ZNF672: variants seen among roughly 807,000 people sequenced by gnomAD.
ZNF672 encodes the protein zinc finger protein 672.
For missense variants in ZNF672, 733 were observed against 701.1 expected (o/e 1.05, Z -0.51); for synonymous variants, 358 against 305.6 (o/e 1.17, Z -1.79).
chr1:248,849,165 G>T lies in ZNF672; in HGVS notation c.*532G>T, dbSNP rs894189884. On this transcript the variant is annotated 3_prime_UTR_variant, in exon 4 of 4. Transcript: ENST00000306562. The stretch of plus-strand genomic sequence containing the variant: ...TTCTGAGAAATGTGGGTATGGAGGT[G>T]GGTGGGAAAGCTCACTTCCATGAAG... 3 of 450,802 alleles carry T rather than the reference G, an allele frequency of 6.7e-6. No homozygotes were observed. Among genetic ancestry groups the T allele is most frequent in the African/African-American group, 6.1e-5 (3 of 49,374 alleles). 27.9% of individuals were successfully genotyped at this position (450,802 alleles called of 1,614,324 possible).
Position 248,847,319 on chromosome 1 carries a change from G to C in ZNF672, c.45G>C (p.Ser15=). The C allele has an allele frequency of 6.2e-7, 1 of 1,609,500 alleles. No homozygotes were observed. The highest frequency in any genetic ancestry group is 8.5e-7 in the Non-Finnish European group (1 of 1,176,042). ...CAGTGGCAGCGGGGAAGCCTTACTC[G>C]TGCAGCGAATGTGGCAAGAGCTTCT... ...SGAVAAGKPY[S]CSECGKSFCY... Residue 15 remains serine, a synonymous_variant, in exon 4 of 4, where the codon TCG becomes TCC. Transcript: ENST00000306562.
chr1:248,844,693 C>T (rs997169468), intron 2 of ZNF672, 57 bp downstream of exon 2: 4 of 152,296 alleles, frequency 2.6e-5, no homozygotes, highest in African/African-American at 9.6e-5. Context: ...CATTTGCCTT[C>T]CTTGGGCATG....
Position 248,847,146 on chromosome 1 carries a change from G to A in ZNF672, c.-129G>A, listed in dbSNP as rs1347844308. The A allele has an allele frequency of 1.6e-6, 2 of 1,279,258 alleles. No individual in the cohort carries two copies. Among genetic ancestry groups the A allele is most frequent in the African/African-American group, 1.5e-5 (1 of 66,786 alleles). 79.2% of individuals were successfully genotyped at this position (1,279,258 alleles called of 1,614,324 possible). On this transcript the variant is annotated 5_prime_UTR_variant, in exon 4 of 4. Transcript: ENST00000306562. ...GAACCCTGAAATCAGACCAGTTTTT[G>A]CGGCCTCCCCCTTTCCTCTCTGTTA...
Position 248,847,581 on chromosome 1 carries a change from AC to A in ZNF672, c.308del (p.Thr103AsnfsTer112). On this transcript the variant is annotated frameshift_variant, in exon 4 of 4. Coordinates refer to ENST00000306562, the MANE Select transcript of ZNF672 (RefSeq NM_024836.3). LOFTEE classifies it low-confidence loss of function (END_TRUNC). Reference sequence around the variant, plus strand: ...GCGATGCCGCACTTGCCCCTGCCGCACATGCGGCCGGCGCTTCCCGCACCTC... The same window carrying A: ...GCGATGCCGCACTTGCCCCTGCCGCAATGCGGCCGGCGCTTCCCGCACCTC... ...RQRCRTCPCR[T>X]CGRRFPHLPA... The A allele has an allele frequency of 6.4e-7, 1 of 1,565,760 alleles. No individual in the cohort carries two copies. The highest frequency in any genetic ancestry group is 8.6e-7 in the Non-Finnish European group (1 of 1,160,020).
At chr1:248,844,074 G>A (rs2103028580) in intron 1 of ZNF672, among the ~76,000 whole-genome samples, 1 of 152,164 alleles carries the variant, frequency 6.6e-6, no homozygotes, top group East Asian at 1.9e-4. Flanking sequence ...TCTTTATTCT[G>A]ATTGAAAATA....
intron 3 of ZNF672, among the ~76,000 whole-genome samples, chr1:248,845,877 AGACT>A (rs1297664613): frequency 6.6e-6 from 1 of 152,160 alleles, no homozygotes; most frequent in Non-Finnish European, 1.5e-5. Flanking sequence ...GTAAGGCTGG[AGACT>A]GACCTGTGGC....
At chr1:248,840,281 G>A (rs368723334) in intron 1 of ZNF672, among the ~76,000 whole-genome samples, 4 of 144,138 alleles carry the variant, frequency 2.8e-5, no homozygotes, top group East Asian at 2.1e-4. Context: ...TAGTAGAGAC[G>A]GGGTTTCACC....
rs762680458 is a variant in ZNF672 at position 248,848,039 on chromosome 1, C to T, written c.765C>T (p.Tyr255=). 1.9e-6 allele frequency: 3 copies of T among 1,553,240 alleles called. No homozygotes were observed. Among genetic ancestry groups the T allele is most frequent in the Admixed American group, 1.9e-5 (1 of 51,652 alleles). The change falls in exon 4 of 4, where the codon TAC becomes TAT. Residue 255 remains tyrosine, a synonymous_variant. Transcript: ENST00000306562. The stretch of plus-strand genomic sequence containing the variant: ...GCACACACACGGGCGAGAAGCCGTA[C>T]GCATGTGGCGACTGTGGACGCTGCT... ...HQRTHTGEKP[Y]ACGDCGRCFS...
chr1:248,844,324 C>T (rs1664723611), intron 1 of ZNF672, among the ~76,000 whole-genome samples, 159 bp from the exon 2 acceptor site: 1 of 152,078 alleles, frequency 6.6e-6, no homozygotes, highest in Non-Finnish European at 1.5e-5. Context: ...ACGTAATTTC[C>T]CCCTTCCCTC....
chr1:248,846,870 T>C (rs1236021021), intron 3 of ZNF672, among the ~76,000 whole-genome samples, 182 bp from the exon 4 acceptor site: 2 of 152,176 alleles, frequency 1.3e-5, no homozygotes, highest in Non-Finnish European at 2.9e-5. Context: ...CCTCCTGCCC[T>C]TCCAAGTGGT....
chr1:248,848,426 G>A lies in ZNF672; in HGVS notation c.1152G>A (p.Leu384=), dbSNP rs1659251082. The change falls in exon 4 of 4, where the codon CTG becomes CTA. Residue 384 remains leucine, a synonymous_variant. Transcript: ENST00000306562. The stretch of plus-strand genomic sequence containing the variant: ...TCAGCGTCGCCTCCAAGCTTGCACT[G>A]CACCGCAAGACGCACCTGGGCGAAC... ...KAFSVASKLA[L]HRKTHLGERP... The A allele has an allele frequency of 6.2e-7, 1 of 1,606,854 alleles. No homozygotes were observed. Among genetic ancestry groups the A allele is most frequent in the Non-Finnish European group, 8.5e-7 (1 of 1,179,664 alleles).
chr1:248,839,602 A>G (rs1664635993), intron 1 of ZNF672, among the ~76,000 whole-genome samples: 1 of 152,214 alleles, frequency 6.6e-6, no homozygotes, highest in Non-Finnish European at 1.5e-5. Flanking sequence ...CAGTGATCAA[A>G]TCACTGCATT....
In ZNF672 at chr1:248,847,828, A is replaced by T. The variant is rs1386342156; in HGVS notation, c.554A>T (p.His185Leu). The change falls in exon 4 of 4, where the codon CAC becomes CTC. Residue 185 changes from histidine to leucine, a missense_variant. By Grantham distance (99) the His-to-Leu change is moderately conservative. Coordinates refer to ENST00000306562, the MANE Select transcript of ZNF672 (RefSeq NM_024836.3). ...GAGLRSHARIHVSRSPTRPRV... is the reference protein window; with the variant it reads ...GAGLRSHARILVSRSPTRPRV... ...GGGCTGCGGAGTCACGCGCGCATCC[A>T]CGTGTCCCGGAGCCCCACGCGACCC... The T allele has an allele frequency of 6.4e-7, 1 of 1,566,080 alleles. No homozygotes were observed.
In ZNF672 at chr1:248,847,954, T is replaced by C; in HGVS notation, c.680T>C (p.Phe227Ser). Reference sequence around the variant, plus strand: ...CAGACGCACTCGGGGGAGAAACCCTTCAAGTGCCCGGAGTGCGGCAAGGGC... The same window carrying C: ...CAGACGCACTCGGGGGAGAAACCCTCCAAGTGCCCGGAGTGCGGCAAGGGC... ...HLQTHSGEKP[F>S]KCPECGKGFL... Residue 227 changes from phenylalanine (F) to serine (S), a missense_variant, in exon 4 of 4, where the codon TTC (phenylalanine) becomes TCC (serine). Transcript: ENST00000306562. The C allele has an allele frequency of 1.3e-6, 2 of 1,569,270 alleles. No individual in the cohort carries two copies. Among genetic ancestry groups the C allele is most frequent in the Non-Finnish European group, 8.6e-7 (1 of 1,158,724 alleles).
In ZNF672 at chr1:248,847,566, A is replaced by G; in HGVS notation, c.292A>G (p.Thr98Ala). 5 of 1,578,242 alleles carry G rather than the reference A, an allele frequency of 3.2e-6. No individual in the cohort carries two copies. Among genetic ancestry groups the G allele is most frequent in the African/African-American group, 1.3e-5 (1 of 74,240 alleles). Residue 98 changes from threonine (T) to alanine (A), a missense_variant, in exon 4 of 4, where the codon ACT (threonine) becomes GCT (alanine). Coordinates refer to ENST00000306562, the MANE Select transcript of ZNF672 (RefSeq NM_024836.3). ...HLGAHRQRCR[T>A]CPCRTCGRRF... ...GGGCGCACACCGGCAGCGATGCCGC[A>G]CTTGCCCCTGCCGCACATGCGGCCG...
In ZNF672 at chr1:248,848,655, T is replaced by C. The variant is rs2103031698; in HGVS notation, c.*22T>C. 1 of 1,547,746 alleles carries C rather than the reference T, an allele frequency of 6.5e-7. No homozygotes were observed. Among genetic ancestry groups the C allele is most frequent in the Non-Finnish European group, 8.7e-7 (1 of 1,147,280 alleles). The stretch of plus-strand genomic sequence containing the variant: ...CTAGTTGAGGGAGGCTTGCTGAGGC[T>C]TCTCTAAAGGTGGTTGGGCAAGCAC... On this transcript the variant is annotated 3_prime_UTR_variant, in exon 4 of 4. Transcript: ENST00000306562.
chr1:248,847,696 CG>C lies in ZNF672; in HGVS notation c.423del (p.Leu142CysfsTer73). ...PLCARTFRQSALLFHQARAHP... is the reference protein window; with the variant it reads ...PLCARTFRQSXLLFHQARAHP... ...TGCGCCCGCACCTTCCGGCAGAGCG[CG>C]CTGCTCTTCCACCAGGCGCGGGCGC... On this transcript the variant is annotated frameshift_variant, in exon 4 of 4. Coordinates refer to ENST00000306562, the MANE Select transcript of ZNF672 (RefSeq NM_024836.3). LOFTEE classifies it low-confidence loss of function (END_TRUNC). 6.8e-7 allele frequency: 1 copy of C among 1,464,412 alleles called. No homozygotes were observed. The highest frequency in any genetic ancestry group is 9.0e-7 in the Non-Finnish European group (1 of 1,113,462). The allele number at this position is 1,464,412 out of a possible 1,614,324, so 90.7% of individuals were successfully genotyped here.
chr1:248,847,096 G>T lies in ZNF672; in HGVS notation c.-179G>T. On this transcript the variant is annotated 5_prime_UTR_variant, in exon 4 of 4. Transcript: ENST00000306562. ...CCTGGCCACAGCTCACCCTGGAACA[G>T]CCACAATGTCTGCCCCTTAGAGAAG... is the stretch of plus-strand genomic sequence containing the variant. 3 of 812,234 alleles carry T rather than the reference G, an allele frequency of 3.7e-6. No individual in the cohort carries two copies. The South Asian group carries it at 5.5e-5, about 15-fold the overall frequency. 50.3% of individuals were successfully genotyped at this position (812,234 alleles called of 1,614,324 possible).
chr1:248,849,326 G>C lies in ZNF672; in HGVS notation c.*693G>C, dbSNP rs1659292710. 1 of 362,802 alleles carries C rather than the reference G, an allele frequency of 2.8e-6. No homozygotes were observed. Among genetic ancestry groups the C allele is most frequent in the Non-Finnish European group, 5.6e-6 (1 of 177,504 alleles). The allele number at this position is 362,802 out of a possible 1,614,324, so 22.5% of individuals were successfully genotyped here. A position where few individuals can be genotyped will look rare whatever the true frequency, so the allele number is the denominator to read the frequency against. Reference sequence around the variant, plus strand: ...CTCTCAGAACCATGTTCCCCAGCCAGGTGAGGACCATTTTCACTGGGACCC... The same window carrying C: ...CTCTCAGAACCATGTTCCCCAGCCACGTGAGGACCATTTTCACTGGGACCC... On this transcript the variant is annotated 3_prime_UTR_variant, in exon 4 of 4. Transcript: ENST00000306562.
Sources: allele counts gnomAD v4.1 joint callset (sites outside exome capture counted in the v4.1 genomes callset), GRCh38; gene constraint gnomAD v4.1.1; transcripts MANE v1.5; gene names NCBI Gene and HGNC (gene_info 2026-07-23, HGNC 2026-07-21).